HECW2: variants seen among roughly 807,000 people sequenced by gnomAD.
HECW2 encodes the protein HECT, C2 and WW domain containing E3 ubiquitin protein ligase 2, also known as E3 ubiquitin-protein ligase HECW2.
A neutral mutation model predicts 175.2 loss-of-function variants in HECW2; 61 were observed. That is an observed-to-expected ratio of 0.35 (90% CI 0.28 to 0.43). The LOEUF is 0.43. HECW2 is among the 20% of genes least tolerant of loss of function. HECW2 has a pLI of 1.00. For missense variants in HECW2, 1,524 were observed against 2,000.5 expected (o/e 0.76, Z 4.54); for synonymous variants, 671 against 731.0 (o/e 0.92, Z 1.32).
chr2:196,232,460 T>G (rs1186972539), intron 21 of HECW2, among the ~76,000 whole-genome samples: 1 of 152,198 alleles, frequency 6.6e-6, no homozygotes, highest in African/African-American at 2.4e-5. Flanking sequence ...CAATATATAT[T>G]GTTGAATCAA....
chr2:196,206,575 G>C (rs1687074185), intron 28 of HECW2, among the ~76,000 whole-genome samples: 1 of 152,150 alleles, frequency 6.6e-6, no homozygotes, highest in Admixed American at 6.6e-5. Context: ...TTCACTCGCT[G>C]AATAAGTACT....
intron 19 of HECW2, among the ~76,000 whole-genome samples, chr2:196,248,645 G>GAC: frequency 6.8e-6 from 1 of 147,248 alleles, no homozygotes; most frequent in African/African-American, 2.6e-5. Flanking sequence ...GAGAGACAGA[G>GAC]AGGAATAGAG....
At chr2:196,593,001 G>A (rs1350597216) in intron 1 of HECW2, among the ~76,000 whole-genome samples, 1 of 151,746 alleles carries the variant, frequency 6.6e-6, no homozygotes, top group Non-Finnish European at 1.5e-5. Context: ...CCGACCCCGA[G>A]ACCGCGAGAA....
chr2:196,461,316 T>C, intron 1 of HECW2, among the ~76,000 whole-genome samples: 1 of 152,136 alleles, frequency 6.6e-6, no homozygotes, highest in East Asian at 1.9e-4. Flanking sequence ...ACTATACTAC[T>C]ACACACCCAT....
intron 2 of HECW2, among the ~76,000 whole-genome samples, chr2:196,403,327 C>A (rs1420536438): frequency 6.6e-6 from 1 of 152,234 alleles, no homozygotes; most frequent in East Asian, 1.9e-4. Context: ...AACATGATCA[C>A]AGTAATAAAG....
At chr2:196,389,498 G>A (rs181579331) in intron 2 of HECW2, among the ~76,000 whole-genome samples, 4 of 152,172 alleles carry the variant, frequency 2.6e-5, no homozygotes, top group Admixed American at 1.3e-4. Flanking sequence ...TGCCTTCTAC[G>A]GCGTCCTAAA....
At chr2:196,494,150 G>A (rs1687298102) in intron 1 of HECW2, among the ~76,000 whole-genome samples, 1 of 152,188 alleles carries the variant, frequency 6.6e-6, no homozygotes, top group South Asian at 2.1e-4. Context: ...TCTGAGAGCA[G>A]GACTTGTTCA....
chr2:196,303,537 CG>C (rs1691147034), intron 13 of HECW2, among the ~76,000 whole-genome samples: 1 of 152,014 alleles, frequency 6.6e-6, no homozygotes, highest in South Asian at 2.1e-4. Flanking sequence ...CATCTGATCC[CG>C]GGCTTTTTTT....
At chr2:196,278,440 T>G in intron 15 of HECW2, 88 bp downstream of exon 15, 1 of 1,411,358 alleles carries the variant, frequency 7.1e-7, no homozygotes, top group Non-Finnish European at 9.6e-7. Context: ...GAAAAAATGC[T>G]TTAAAAAAAT....
At chr2:196,414,908 C>T (rs1190775217) in intron 2 of HECW2, among the ~76,000 whole-genome samples, 1 of 152,176 alleles carries the variant, frequency 6.6e-6, no homozygotes, top group Admixed American at 6.5e-5. Flanking sequence ...TATCAGTCCA[C>T]TGCAGACAGC....
intron 2 of HECW2, among the ~76,000 whole-genome samples, chr2:196,406,432 CTAT>C (rs1403498934): frequency 6.6e-6 from 1 of 152,172 alleles, no homozygotes; most frequent in Non-Finnish European, 1.5e-5. Context: ...ATCAACTTTT[CTAT>C]TATTAGCCCA....
At chr2:196,557,819 A>G (rs1024035915) in intron 1 of HECW2, among the ~76,000 whole-genome samples, 2 of 152,134 alleles carry the variant, frequency 1.3e-5, no homozygotes, top group Non-Finnish European at 2.9e-5. Context: ...GATGTACTAA[A>G]ATGTCAGTAT....
intron 1 of HECW2, among the ~76,000 whole-genome samples, chr2:196,472,725 G>A (rs998348189): frequency 4.0e-5 from 6 of 151,746 alleles, no homozygotes; most frequent in Non-Finnish European, 7.4e-5. Context: ...GGGCTCAATC[G>A]ATTCTCCTGC....
chr2:196,526,813 C>G (rs994389706), intron 1 of HECW2, among the ~76,000 whole-genome samples: 2 of 152,074 alleles, frequency 1.3e-5, no homozygotes, highest in African/African-American at 4.8e-5. Flanking sequence ...CAGGGACCCA[C>G]TTGAGGAGGC....
intron 3 of HECW2, 133 bp downstream of exon 3, chr2:196,343,524 A>G: frequency 1.6e-6 from 1 of 637,820 alleles, no homozygotes; most frequent in South Asian, 2.2e-5. Context: ...AAAACAATAT[A>G]TTTTCCATCA....
intron 1 of HECW2, among the ~76,000 whole-genome samples, chr2:196,561,014 A>T (rs2125499297): frequency 6.6e-6 from 1 of 152,314 alleles, no homozygotes; most frequent in African/African-American, 2.4e-5. Context: ...GATAACAGCG[A>T]TGTTCAGGGA....
At chr2:196,329,761 T>C (rs1157823627) in intron 4 of HECW2, 111 bp from the exon 5 acceptor site, 11 of 782,542 alleles carry the variant, frequency 1.4e-5, no homozygotes, top group Non-Finnish European at 1.7e-5. Context: ...CAAACGGGTA[T>C]TGTATCATGT....
chr2:196,249,972 C>G (rs1257399459), intron 19 of HECW2, among the ~76,000 whole-genome samples: 4 of 152,236 alleles, frequency 2.6e-5, no homozygotes, highest in Non-Finnish European at 5.9e-5. Context: ...AATGATTACT[C>G]ATGTGCATTT....
At chr2:196,513,207 A>C (rs1688017186) in intron 1 of HECW2, among the ~76,000 whole-genome samples, 1 of 152,196 alleles carries the variant, frequency 6.6e-6, no homozygotes, top group African/African-American at 2.4e-5. Context: ...TAAATCTACC[A>C]CAATGAAGGT....
Sources: gnomAD v4.1 joint callset for allele counts (sites outside exome capture counted in the v4.1 genomes callset) on GRCh38, gnomAD v4.1.1 for gene constraint, MANE v1.5 for transcripts, NCBI Gene and HGNC (gene_info 2026-07-23, HGNC 2026-07-21) for gene names.